CDH13: variants seen among roughly 807,000 people sequenced by gnomAD.
CDH13 encodes the protein cadherin-13.
A neutral mutation model predicts 63.8 loss-of-function variants in CDH13; 24 were observed. That is an observed-to-expected ratio of 0.38 (90% confidence interval 0.27 to 0.53). The LOEUF is 0.53. Ranked by LOEUF, CDH13 falls within the 20% of genes least tolerant of loss-of-function variation. The pLI, the probability that CDH13 is intolerant of heterozygous loss-of-function variation, is 0.85. For synonymous variants in CDH13, 503 were observed against 355.3 expected, an observed-to-expected ratio of 1.42 and a Z score of -4.67; for missense variants, 1,049 against 903.1, an observed-to-expected ratio of 1.16 and a Z score of -2.07.
intron 2 of CDH13, among the ~76,000 whole-genome samples, chr16:83,026,153 G>T (rs1218283640): frequency 6.6e-6 from 1 of 152,240 alleles, no homozygotes; most frequent in Non-Finnish European, 1.5e-5. Flanking sequence ...TGAAACTGCA[G>T]TTGTTCTCAG....
intron 10 of CDH13, among the ~76,000 whole-genome samples, chr16:83,733,565 A>G (rs1021923434): frequency 9.9e-5 from 15 of 152,006 alleles, no homozygotes; most frequent in African/African-American, 3.6e-4. Flanking sequence ...CATCTATCTC[A>G]CTGTGGTCCC....
intron 11 of CDH13, among the ~76,000 whole-genome samples, chr16:83,756,071 A>G (rs544564049): frequency 3.3e-5 from 5 of 152,226 alleles, no homozygotes; most frequent in Non-Finnish European, 5.9e-5. Flanking sequence ...TAATAAGTCA[A>G]GTATCTATAT....
chr16:83,286,863 G>A (rs567377118), intron 5 of CDH13, among the ~76,000 whole-genome samples: 2 of 150,534 alleles, frequency 1.3e-5, no homozygotes, highest in African/African-American at 2.5e-5. Flanking sequence ...TCATATTCTT[G>A]TGAGTGGACT....
chr16:82,681,572 C>T (rs902870023), intron 1 of CDH13, among the ~76,000 whole-genome samples: 1 of 152,246 alleles, frequency 6.6e-6, no homozygotes, highest in African/African-American at 2.4e-5. Flanking sequence ...TACTCATTTT[C>T]TGAGCTAGTC....
chr16:82,931,245 C>T (rs890623974), intron 2 of CDH13, among the ~76,000 whole-genome samples: 3 of 152,210 alleles, frequency 2.0e-5, no homozygotes, highest in African/African-American at 7.2e-5. Flanking sequence ...AGAATTTTCT[C>T]ATCATGTAAT....
chr16:83,035,884 T>G (rs574915708), intron 3 of CDH13, among the ~76,000 whole-genome samples: 222 of 152,320 alleles, frequency 1.5e-3, no homozygotes, highest in Non-Finnish European at 2.4e-3. Context: ...AGCACTCAGC[T>G]GATGCTACAG....
chr16:82,860,337 T>G (rs1394591264), intron 2 of CDH13, among the ~76,000 whole-genome samples: 1 of 136,140 alleles, frequency 7.3e-6, no homozygotes, highest in African/African-American at 2.8e-5. Flanking sequence ...TCTTTTTAAT[T>G]TAAAGTAAGC....
chr16:83,270,632 CCT>C (rs1349959792), intron 5 of CDH13, among the ~76,000 whole-genome samples: 3 of 152,066 alleles, frequency 2.0e-5, no homozygotes, highest in Admixed American at 6.5e-5. Context: ...GCATGAAGGC[CCT>C]CATTGACACA....
intron 7 of CDH13, among the ~76,000 whole-genome samples, chr16:83,578,062 A>G (rs1162329964): frequency 6.6e-6 from 1 of 152,184 alleles, no homozygotes; most frequent in African/African-American, 2.4e-5. Flanking sequence ...CTAAGCATTT[A>G]TTTTTAATGT....
At chr16:83,628,467 CA>C (rs1427499006) in intron 8 of CDH13, among the ~76,000 whole-genome samples, 4 of 152,174 alleles carry the variant, frequency 2.6e-5, no homozygotes, top group Non-Finnish European at 5.9e-5. Context: ...TGATAAGTCA[CA>C]TTCCAGACCC....
intron 1 of CDH13, chr16:82,705,241 G>A (rs1415415927): frequency 4.5e-6 from 2 of 446,652 alleles, no homozygotes; most frequent in East Asian, 7.0e-5. Context: ...GGAGGACAAG[G>A]TGCGGCTGCA....
intron 6 of CDH13, chr16:83,382,979 C>G (rs186412569): frequency 2.6e-5 from 4 of 152,194 alleles, no homozygotes; most frequent in Non-Finnish European, 5.9e-5. Context: ...AAGAATTATC[C>G]AGTCAAAAAT....
At chr16:83,048,106 C>T (rs569899412) in intron 3 of CDH13, among the ~76,000 whole-genome samples, 3 of 152,270 alleles carry the variant, frequency 2.0e-5, no homozygotes, top group Admixed American at 6.5e-5. Flanking sequence ...TAATCTGTGT[C>T]GTCCTGGAGA....
At chr16:83,094,980 G>T (rs1391766295) in intron 3 of CDH13, among the ~76,000 whole-genome samples, 1 of 152,160 alleles carries the variant, frequency 6.6e-6, no homozygotes, top group East Asian at 1.9e-4. Flanking sequence ...AGGTCCTATT[G>T]TAGGATTAAT....
chr16:83,036,150 T>G (rs1454568235), intron 3 of CDH13, among the ~76,000 whole-genome samples: 1 of 147,752 alleles, frequency 6.8e-6, no homozygotes, highest in Non-Finnish European at 1.5e-5. Flanking sequence ...CCTCTTTTTT[T>G]TTTTTTTTTT....
rs1316238102 is a variant in CDH13 at position 82,627,106 on chromosome 16, C to T, written c.14C>T (p.Thr5Ile). 3.7e-6 allele frequency: 6 copies of T among 1,605,668 alleles called. No individual in the cohort carries two copies. The Admixed American group carries it at 6.8e-5, about 18-fold the overall frequency. The change falls in exon 1 of 14, where the codon ACT becomes ATT. Residue 5 changes from threonine to isoleucine, a missense_variant. Transcript: ENST00000567109. Reference sequence around the variant, plus strand: ...TAGTCGGACAAAATGCAGCCGAGAACTCCGCTCGTTCTGTGCGTTCTCCTG... The same window carrying T: ...TAGTCGGACAAAATGCAGCCGAGAATTCCGCTCGTTCTGTGCGTTCTCCTG... MQPR[T>I]PLVLCVLLSQ...
chr16:83,124,199 C>T (rs1000640768), intron 3 of CDH13, among the ~76,000 whole-genome samples: 1 of 152,156 alleles, frequency 6.6e-6, no homozygotes, highest in Non-Finnish European at 1.5e-5. Flanking sequence ...GTACCTGCCA[C>T]CATGCCTGGC....
intron 7 of CDH13, among the ~76,000 whole-genome samples, chr16:83,521,543 A>T: frequency 6.6e-6 from 1 of 152,232 alleles, no homozygotes; most frequent in East Asian, 1.9e-4. Context: ...TGCTATGAGA[A>T]TTGGATGAGA....
chr16:83,351,782 T>A (rs566462129), intron 6 of CDH13, among the ~76,000 whole-genome samples: 1 of 152,382 alleles, frequency 6.6e-6, no homozygotes, highest in East Asian at 1.9e-4. Flanking sequence ...TTTTGATCCC[T>A]ATTCAGGTGA....
Sources: allele counts gnomAD v4.1 joint callset (sites outside exome capture counted in the v4.1 genomes callset), GRCh38; gene constraint gnomAD v4.1.1; transcripts MANE v1.5; gene names NCBI Gene and HGNC (gene_info 2026-07-23, HGNC 2026-07-21).